SPTLC2: variants seen among roughly 807,000 people sequenced by gnomAD.
SPTLC2 encodes serine palmitoyltransferase 2.
Under a neutral mutation model 62.0 loss-of-function variants are expected in SPTLC2, and 21 were observed. The observed-to-expected ratio is 0.34, with a 90% CI of 0.24 to 0.49. The LOEUF is 0.49. Ranked by LOEUF, SPTLC2 falls within the 20% of genes least tolerant of loss-of-function variation. The pLI, the probability that SPTLC2 is intolerant of heterozygous loss-of-function variation, is 0.99. For synonymous variants in SPTLC2, 261 were observed against 261.8 expected (o/e 1.00, Z 0.03); for missense variants, 511 against 713.0 (o/e 0.72, Z 3.23).
rs1447591939 is a variant in SPTLC2 at position 77,557,236 on chromosome 14, A to G, written c.851-90T>C. Reference sequence around the variant, plus strand: ...GCAGAGATATATTTCTCATTCAGAAACCATGCCTCAGATAGCAAAGGACAT... The same window carrying G: ...GCAGAGATATATTTCTCATTCAGAAGCCATGCCTCAGATAGCAAAGGACAT... On this transcript the variant is annotated intron_variant, in intron 6 of 11. Coordinates refer to ENST00000216484, the MANE Select transcript of SPTLC2 (RefSeq NM_004863.4). 1.0e-5 allele frequency: 12 copies of G among 1,182,962 alleles called. No homozygotes were observed. In the Admixed American group the frequency reaches 1.5e-4, roughly 15 times the overall value. The allele number at this position is 1,182,962 out of a possible 1,614,324, so 73.3% of individuals were successfully genotyped here.
chr14:77,558,951 A>G (rs1183486577), intron 6 of SPTLC2, among the ~76,000 whole-genome samples: 2 of 152,172 alleles, frequency 1.3e-5, no homozygotes, highest in African/African-American at 4.8e-5. Context: ...ACAAGTAAAA[A>G]CACAGGAATT....
intron 4 of SPTLC2, among the ~76,000 whole-genome samples, chr14:77,574,084 C>T (rs1428514764): frequency 2.0e-5 from 3 of 152,176 alleles, no homozygotes; most frequent in African/African-American, 7.2e-5. Flanking sequence ...ACCTAGACCC[C>T]AAACTTATAA....
intron 2 of SPTLC2, among the ~76,000 whole-genome samples, chr14:77,580,795 T>A (rs1174624716): frequency 6.6e-6 from 1 of 151,696 alleles, no homozygotes; most frequent in Non-Finnish European, 1.5e-5. Flanking sequence ...GGCGGGAAGA[T>A]CACTTGAGCC....
chr14:77,545,256 A>C (rs1311031483), intron 9 of SPTLC2, among the ~76,000 whole-genome samples: 1 of 146,786 alleles, frequency 6.8e-6, no homozygotes, highest in Non-Finnish European at 1.5e-5. Flanking sequence ...AGCTCTTAGT[A>C]GGGTATCGGG....
At chr14:77,614,328 C>A (rs1478770558) in intron 1 of SPTLC2, among the ~76,000 whole-genome samples, 1 of 152,188 alleles carries the variant, frequency 6.6e-6, no homozygotes, top group Non-Finnish European at 1.5e-5. Context: ...CAAAGCAACG[C>A]TGAAGTGTGA....
chr14:77,514,955 T>C (rs954412839), intron 11 of SPTLC2, among the ~76,000 whole-genome samples: 21 of 152,232 alleles, frequency 1.4e-4, no homozygotes, highest in Admixed American at 9.8e-4. Context: ...GGTTTATCCA[T>C]GCTGTAGGGT....
chr14:77,614,898 G>T (rs909602663), intron 1 of SPTLC2, among the ~76,000 whole-genome samples: 1 of 151,362 alleles, frequency 6.6e-6, no homozygotes, highest in Non-Finnish European at 1.5e-5. Flanking sequence ...TTGAACCCAG[G>T]GGGTGGAGGC....
At chr14:77,521,100 C>T (rs1266345793) in intron 10 of SPTLC2, among the ~76,000 whole-genome samples, 1 of 152,208 alleles carries the variant, frequency 6.6e-6, no homozygotes, top group Non-Finnish European at 1.5e-5. Context: ...TTCCATAGCA[C>T]TTGACACCTT....
At chr14:77,597,613 A>C (rs1013343955) in intron 1 of SPTLC2, among the ~76,000 whole-genome samples, 5 of 151,544 alleles carry the variant, frequency 3.3e-5, no homozygotes, top group Non-Finnish European at 7.4e-5. Context: ...GTCTCTACTA[A>C]AAATGCAAAT....
At chr14:77,577,587 A>G (rs1275211021) in intron 3 of SPTLC2, among the ~76,000 whole-genome samples, 1 of 152,162 alleles carries the variant, frequency 6.6e-6, no homozygotes, top group Non-Finnish European at 1.5e-5. Flanking sequence ...GGTGTCACTG[A>G]TATTTGACCA....
chr14:77,582,774 T>C (rs1394165472), intron 2 of SPTLC2, among the ~76,000 whole-genome samples: 1 of 152,134 alleles, frequency 6.6e-6, no homozygotes, highest in Non-Finnish European at 1.5e-5. Context: ...CAACCAGGGA[T>C]GTTAGGGACC....
intron 1 of SPTLC2, among the ~76,000 whole-genome samples, chr14:77,610,445 T>C (rs1315820477): frequency 6.6e-6 from 1 of 152,050 alleles, no homozygotes; most frequent in East Asian, 1.9e-4. Context: ...CCTGGTCATA[T>C]ACCTTATTAT....
intron 2 of SPTLC2, among the ~76,000 whole-genome samples, chr14:77,588,382 A>G (rs2079794689): frequency 6.6e-6 from 1 of 151,966 alleles, no homozygotes; most frequent in African/African-American, 2.4e-5. Context: ...TTGAAAATGG[A>G]GTCATCACAC....
rs145354369 is a variant in SPTLC2 at position 77,564,044 on chromosome 14, G to T, written c.757-1555C>A. On this transcript the variant is annotated intron_variant, in intron 5 of 11. Transcript: ENST00000216484. ...AGGTGGGTGGATCACTTGAGGTCAG[G>T]AGTTCGAGACCAGCCTGGCCAACAT... Among the ~76,000 whole-genome samples, 597 of 151,990 alleles carry T rather than the reference G, an allele frequency of 3.9e-3. 3 individuals are homozygous for T. Among genetic ancestry groups the T allele is most frequent in the African/African-American group, 9.3e-3 (386 of 41,486 alleles).
chr14:77,592,971 TGC>T (rs1293037034), intron 2 of SPTLC2, among the ~76,000 whole-genome samples: 2 of 151,842 alleles, frequency 1.3e-5, no homozygotes, highest in Admixed American at 1.3e-4. Context: ...GGCGTGGTGG[TGC>T]ATGACTGTAA....
In SPTLC2 at chr14:77,588,996, CAAAAAAAAAAAAA is replaced by C. The variant is rs60536883; in HGVS notation, c.327+8177_327+8189del. Among the ~76,000 whole-genome samples the C allele has an allele frequency of 7.2e-3, 536 of 74,628 alleles. 3 individuals are homozygous for C. The highest frequency in any genetic ancestry group is 0.025 in the Middle Eastern group (3 of 122). 49.0% of individuals were successfully genotyped at this position (74,628 alleles called of 152,430 possible). On this transcript the variant is annotated intron_variant, in intron 2 of 11. Transcript: ENST00000216484. The stretch of plus-strand genomic sequence containing the variant: ...TGGGTGACAGAGTAAGACCTTGTCT[CAAAAAAAAAAAAA>C]AAAAAAAAAAAAAAAAAAAACACAC...
chr14:77,592,668 T>C (rs1306492967), intron 2 of SPTLC2, among the ~76,000 whole-genome samples: 1 of 152,176 alleles, frequency 6.6e-6, no homozygotes, highest in Admixed American at 6.5e-5. Flanking sequence ...CGCATCACAA[T>C]GGCTTGTTGT....
chr14:77,555,620 C>A (rs1018812870), intron 7 of SPTLC2, 101 bp from the exon 8 acceptor site: 4 of 1,039,132 alleles, frequency 3.8e-6, no homozygotes, highest in African/African-American at 3.3e-5. Context: ...TTTACTGCTT[C>A]TTTTTTTTTT....
chr14:77,513,471 C>T (rs911106048), intron 11 of SPTLC2, among the ~76,000 whole-genome samples: 6 of 152,126 alleles, frequency 3.9e-5, no homozygotes, highest in African/African-American at 1.4e-4. Flanking sequence ...ATCACAACAG[C>T]GGTACCTCTG....
Sources: allele counts gnomAD v4.1 joint callset (sites outside exome capture counted in the v4.1 genomes callset), GRCh38; gene constraint gnomAD v4.1.1; transcripts MANE v1.5; gene names NCBI Gene and HGNC (gene_info 2026-07-23, HGNC 2026-07-21).